The following ARHGEF10L variants were observed in gnomAD, a reference collection of about 807,000 sequenced individuals.
ARHGEF10L encodes rho guanine nucleotide exchange factor 10-like protein.
In ARHGEF10L, 69 loss-of-function variants were observed where a neutral mutation model predicts 141.2. That is an observed-to-expected ratio of 0.49 (90% CI 0.40 to 0.60). ARHGEF10L has a LOEUF of 0.60. ARHGEF10L is among the 20% of genes least tolerant of loss of function. The pLI is 0.00. For missense variants in ARHGEF10L, 1,482 were observed against 1,734.3 expected, an observed-to-expected ratio of 0.85 and a Z score of 2.58; for synonymous variants, 711 against 718.5, an observed-to-expected ratio of 0.99 and a Z score of 0.17.
At chr1:17,666,317 C>G (rs928052569) in intron 26 of ARHGEF10L, among the ~76,000 whole-genome samples, 4 of 152,188 alleles carry the variant, frequency 2.6e-5, no homozygotes, top group Non-Finnish European at 4.4e-5. Flanking sequence ...GATAATTGAT[C>G]AGCAGCTCTT....
intron 1 of ARHGEF10L, among the ~76,000 whole-genome samples, chr1:17,548,330 G>A (rs1010870806): frequency 2.6e-5 from 4 of 152,168 alleles, no homozygotes; most frequent in East Asian, 3.8e-4. Flanking sequence ...CAAAGAGGCA[G>A]TTAGACCCAG....
At chr1:17,601,781 A>C (rs1432227610) in intron 4 of ARHGEF10L, among the ~76,000 whole-genome samples, 3 of 152,142 alleles carry the variant, frequency 2.0e-5, no homozygotes, top group Non-Finnish European at 4.4e-5. Context: ...GGGATCCCCC[A>C]GCCTGCCCCT....
intron 6 of ARHGEF10L, among the ~76,000 whole-genome samples, chr1:17,604,130 A>T (rs1345390076): frequency 6.6e-6 from 1 of 151,898 alleles, no homozygotes; most frequent in Non-Finnish European, 1.5e-5. Flanking sequence ...TTGCTTGGAC[A>T]CGTTAGGCCA....
the ARHGEF10L span, among the ~76,000 whole-genome samples, chr1:17,530,455 G>A: frequency 6.6e-6 from 1 of 151,178 alleles, no homozygotes; most frequent in Non-Finnish European, 1.5e-5. Context: ...TGCAGGGGGT[G>A]AGGTTAGCTC....
the ARHGEF10L span, among the ~76,000 whole-genome samples, chr1:17,525,548 A>C: frequency 6.6e-6 from 1 of 152,054 alleles, no homozygotes; most frequent in African/African-American, 2.4e-5. Context: ...GGTCCCAGCT[A>C]CTCAGGAGGC....
intron 1 of ARHGEF10L, among the ~76,000 whole-genome samples, chr1:17,572,913 C>T (rs993713861): frequency 3.9e-5 from 6 of 152,102 alleles, no homozygotes; most frequent in Middle Eastern, 3.2e-3. Context: ...TTAGTTCAGC[C>T]CTGAGGTGTA....
At chr1:17,571,115 C>A (rs373746177) in intron 1 of ARHGEF10L, among the ~76,000 whole-genome samples, 57 of 152,042 alleles carry the variant, frequency 3.7e-4, no homozygotes, top group Non-Finnish European at 6.9e-4. Flanking sequence ...TTAGGACCCA[C>A]GAAGTGAGCC....
At position 17,644,121 on chromosome 1, in the gene ARHGEF10L, G is replaced by T. The variant is rs1298993710; in HGVS notation, c.2272+3819G>T. 6.6e-6 allele frequency among the ~76,000 whole-genome samples: 1 copy of T among 152,252 alleles called. No homozygotes were observed. Among genetic ancestry groups the T allele is most frequent in the East Asian group, 1.9e-4 (1 of 5,204 alleles). On this transcript the variant is annotated intron_variant, in intron 21 of 28. Coordinates refer to ENST00000361221, the MANE Select transcript of ARHGEF10L (RefSeq NM_018125.4). This position sits in a 1 kb window ranked among gnomAD's most constrained non-coding sequence, Gnocchi z 4.5. Reference sequence around the variant, plus strand: ...CACCTCTCAAGGGGACATGGGCCTGGCAGGCCATGGCTAATGCCAAACTCA... The same window carrying T: ...CACCTCTCAAGGGGACATGGGCCTGTCAGGCCATGGCTAATGCCAAACTCA...
At position 17,634,557 on chromosome 1, in the gene ARHGEF10L, C is replaced by A; in HGVS notation, c.1740C>A (p.Asn580Lys). The change falls in exon 17 of 29, where the codon AAC becomes AAA. Residue 580 changes from asparagine (N) to lysine (K), a missense_variant. Physicochemically the swap from Asn to Lys is moderately conservative, Grantham distance 94 (BLOSUM62 0). Coordinates refer to ENST00000361221, the MANE Select transcript of ARHGEF10L (RefSeq NM_018125.4). ...VCANINFKPA[N>K]HRGQLEISSL... ...TTGTCTTTTTTCCCAGGCCTGCCAA[C>A]CACAGGTACGTGGTTCAGGGGGCTC... The A allele has an allele frequency of 1.2e-6, 2 of 1,614,098 alleles. No homozygotes were observed. The highest frequency in any genetic ancestry group is 1.7e-6 in the Non-Finnish European group (2 of 1,179,994).
chr1:17,618,237 G>T (rs1280795560), intron 9 of ARHGEF10L: 3 of 1,298,304 alleles, frequency 2.3e-6, no homozygotes, highest in East Asian at 3.0e-5. Context: ...CCCCAGGCTG[G>T]CTAGGGCTCT....
upstream of ARHGEF10L, among the ~76,000 whole-genome samples, chr1:17,535,200 G>A (rs532420959): frequency 3.5e-4 from 53 of 152,256 alleles, no homozygotes; most frequent in Admixed American, 8.5e-4. Context: ...CATAAGGGGC[G>A]CGCAGTCTAG....
chr1:17,577,632 G>A (rs969413557), intron 1 of ARHGEF10L, among the ~76,000 whole-genome samples: 3 of 152,294 alleles, frequency 2.0e-5, no homozygotes, highest in East Asian at 1.9e-4. Context: ...TCCTCGTCCC[G>A]ACACTTCAGA....
chr1:17,680,907 C>G (rs1459980964), intron 26 of ARHGEF10L, among the ~76,000 whole-genome samples: 1 of 151,954 alleles, frequency 6.6e-6, no homozygotes, highest in Admixed American at 6.5e-5. Context: ...CTTCAGCCTC[C>G]CAAGTAGCTG....
In ARHGEF10L at chr1:17,639,758, C is replaced by T; in HGVS notation, c.2172-444C>T. The T allele has an allele frequency of 1.0e-6, 1 of 952,476 alleles. No individual in the cohort carries two copies. The highest frequency in any genetic ancestry group is 1.5e-6 in the Non-Finnish European group (1 of 680,626). 59.0% of individuals were successfully genotyped at this position (952,476 alleles called of 1,614,324 possible). On this transcript the variant is annotated intron_variant, in intron 20 of 28. Transcript: ENST00000361221. The surrounding 1 kb of genome is among the most constrained non-coding windows in gnomAD (Gnocchi z 4.3). The stretch of plus-strand genomic sequence containing the variant: ...TTCATTCATTCCTGTGTCCACTCAG[C>T]AAACATTTACTGAGCAACTGTCCCA...
At position 17,654,806 on chromosome 1, in the gene ARHGEF10L, C is replaced by T; in HGVS notation, c.2481+84C>T. 1.6e-6 allele frequency: 2 copies of T among 1,248,086 alleles called. No individual in the cohort carries two copies. The highest frequency in any genetic ancestry group is 1.7e-5 in the Admixed American group (1 of 59,286). The allele number at this position is 1,248,086 out of a possible 1,614,324, so 77.3% of individuals were successfully genotyped here. A position where few individuals can be genotyped will look rare whatever the true frequency, so the allele number is the denominator to read the frequency against. On this transcript the variant is annotated intron_variant, in intron 23 of 28. Coordinates refer to ENST00000361221, the MANE Select transcript of ARHGEF10L (RefSeq NM_018125.4). The surrounding 1 kb of genome is among the most constrained non-coding windows in gnomAD (Gnocchi z 4.3). ...GGCACCTGGGAGGGGGTGCTGGAGA[C>T]AGCAGCTGCCTGCCTCATCTCATGC...
chr1:17,616,229 C>A, intron 9 of ARHGEF10L, 27 bp downstream of exon 9: 1 of 1,176,020 alleles, frequency 8.5e-7, no homozygotes, highest in South Asian at 1.2e-5. Context: ...GCGGGAGGGT[C>A]TGGTGCCCAG....
In ARHGEF10L at chr1:17,672,847, A is replaced by G. The variant is rs72923485; in HGVS notation, c.3009+8252A>G. 3.4e-3 allele frequency among the ~76,000 whole-genome samples: 522 copies of G among 152,158 alleles called. 6 individuals are homozygous for G. The highest frequency in any genetic ancestry group is 0.012 in the African/African-American group (482 of 41,500). ...ATAGGGCCTTCTTATGTGGAGGGTC[A>G]GAAATAAGTTGGCTGGTTGCAAACT... On this transcript the variant is annotated intron_variant, in intron 26 of 28. Coordinates refer to ENST00000361221, the MANE Select transcript of ARHGEF10L (RefSeq NM_018125.4).
rs148185541 is a variant in ARHGEF10L, at chr1:17,654,251, C to T, written c.2395-385C>T. Among the ~76,000 whole-genome samples, 450 of 152,296 alleles carry T rather than the reference C, an allele frequency of 3.0e-3. 1 individual carries two copies. Among genetic ancestry groups the T allele is most frequent in the Non-Finnish European group, 5.3e-3 (363 of 68,024 alleles). ...GTTTCTGTGCGTGGCCCTCACAAGC[C>T]GCCCAGCCCTGCCACTCACCTCCTC... On this transcript the variant is annotated intron_variant, in intron 22 of 28. Coordinates refer to ENST00000361221, the MANE Select transcript of ARHGEF10L (RefSeq NM_018125.4). This position sits in a 1 kb window ranked among gnomAD's most constrained non-coding sequence, Gnocchi z 4.3.
chr1:17,570,798 T>C (rs531224374), intron 1 of ARHGEF10L, among the ~76,000 whole-genome samples: 6 of 152,138 alleles, frequency 3.9e-5, no homozygotes, highest in African/African-American at 9.6e-5. Flanking sequence ...GCTCGGATTC[T>C]GGGCGTATGT....
Sources: allele counts gnomAD v4.1 joint callset (sites outside exome capture counted in the v4.1 genomes callset), GRCh38; gene constraint gnomAD v4.1.1; non-coding constraint Gnocchi (gnomAD v3.1); transcripts MANE v1.5; gene names NCBI Gene and HGNC (gene_info 2026-07-23, HGNC 2026-07-21).